ADCY2: variants seen among roughly 807,000 people sequenced by gnomAD.
The protein encoded by ADCY2 is adenylate cyclase type 2.
ADCY2 carries 31 observed loss-of-function variants against 125.2 expected under a neutral mutation model. That is an observed-to-expected ratio of 0.25 (90% CI 0.19 to 0.33). The LOEUF is 0.33. Among genes scored for constraint, ADCY2 ranks in the 10% least tolerant of loss-of-function variants. ADCY2 has a pLI of 1.00. For missense variants in ADCY2, 904 were observed against 1,418.2 expected, an observed-to-expected ratio of 0.64 and a Z score of 5.82; for synonymous variants, 512 against 548.4, an observed-to-expected ratio of 0.93 and a Z score of 0.93.
chr5:7,784,209 G>C (rs978236496), intron 18 of ADCY2, among the ~76,000 whole-genome samples, 156 bp from the exon 19 acceptor site: 3 of 152,198 alleles, frequency 2.0e-5, no homozygotes, highest in Non-Finnish European at 2.9e-5. Context: ...TTTAATGCAA[G>C]CTGGGTTTGG....
chr5:7,598,595 C>T (rs1233735871), intron 3 of ADCY2, among the ~76,000 whole-genome samples: 2 of 152,110 alleles, frequency 1.3e-5, no homozygotes, highest in Non-Finnish European at 2.9e-5. Flanking sequence ...GAGGCCCTGA[C>T]CTGAAGGCAG....
chr5:7,756,141 A>G (rs1229498808), intron 15 of ADCY2, among the ~76,000 whole-genome samples: 3 of 152,334 alleles, frequency 2.0e-5, no homozygotes, highest in African/African-American at 7.2e-5. Context: ...ATATCAGATA[A>G]CGTATGCAAA....
In ADCY2 at chr5:7,757,644, C is replaced by T. The variant is rs1743053009; in HGVS notation, c.2094+58C>T. Reference sequence around the variant, plus strand: ...GTAAGCCCCAGAGCATGGCCGTGTTCAACATGGTAAGCCCCAGACCACAGC... The same window carrying T: ...GTAAGCCCCAGAGCATGGCCGTGTTTAACATGGTAAGCCCCAGACCACAGC... On this transcript the variant is annotated intron_variant, in intron 16 of 24. Coordinates refer to ENST00000338316, the MANE Select transcript of ADCY2 (RefSeq NM_020546.3). 4 of 1,560,882 alleles carry T rather than the reference C, an allele frequency of 2.6e-6. No individual in the cohort carries two copies. In the South Asian group the frequency reaches 3.5e-5, roughly 14 times the overall value.
At chr5:7,406,168 C>T (rs557725544) in intron 1 of ADCY2, among the ~76,000 whole-genome samples, 44 of 152,196 alleles carry the variant, frequency 2.9e-4, no homozygotes, top group African/African-American at 1.0e-3. Flanking sequence ...CCAATTTATT[C>T]CCTTTTGAAG....
intron 2 of ADCY2, among the ~76,000 whole-genome samples, chr5:7,514,717 T>C (rs1218740756): frequency 2.0e-5 from 3 of 152,084 alleles, no homozygotes; most frequent in Non-Finnish European, 4.4e-5. Context: ...AGAGGGAAAT[T>C]TGGACAGAGA....
At chr5:7,602,563 C>T (rs75596218) in intron 3 of ADCY2, among the ~76,000 whole-genome samples, 2,238 of 152,220 alleles carry the variant, frequency 0.015, 50 homozygotes, top group African/African-American at 0.051. Context: ...CTCCATTCAC[C>T]CTTAAATTCT....
At chr5:7,573,602 T>C (rs921868032) in intron 3 of ADCY2, among the ~76,000 whole-genome samples, 12 of 145,644 alleles carry the variant, frequency 8.2e-5, no homozygotes, top group South Asian at 2.1e-4. Context: ...TCTTTTTTTT[T>C]TTTTTTTTTT....
At chr5:7,499,656 T>TAG (rs2126500946) in intron 2 of ADCY2, among the ~76,000 whole-genome samples, 1 of 74,844 alleles carries the variant, frequency 1.3e-5, no homozygotes, top group South Asian at 4.8e-4. Flanking sequence ...TGGATATATA[T>TAG]ATATATATAT....
At chr5:7,824,641 C>T (rs1745409613) in intron 24 of ADCY2, among the ~76,000 whole-genome samples, 1 of 152,244 alleles carries the variant, frequency 6.6e-6, no homozygotes, top group Admixed American at 6.5e-5. Context: ...ACATGGACAT[C>T]TGGCACCTGT....
chr5:7,412,221 G>T (rs1197376333), intron 1 of ADCY2, among the ~76,000 whole-genome samples: 2 of 152,134 alleles, frequency 1.3e-5, no homozygotes, highest in Non-Finnish European at 2.9e-5. Context: ...TTTTTGCATG[G>T]TTTTTCAGTC....
At chr5:7,688,096 C>T (rs1157397163) in intron 4 of ADCY2, among the ~76,000 whole-genome samples, 19 of 152,158 alleles carry the variant, frequency 1.2e-4, no homozygotes, top group Non-Finnish European at 2.1e-4. Flanking sequence ...TTATAGTCTA[C>T]CTGTTAATAT....
intron 3 of ADCY2, among the ~76,000 whole-genome samples, chr5:7,541,496 C>T (rs1047588300): frequency 5.9e-5 from 9 of 152,212 alleles, no homozygotes; most frequent in African/African-American, 1.4e-4. Flanking sequence ...AGATCACACA[C>T]GAGCTTCCCA....
intron 19 of ADCY2, among the ~76,000 whole-genome samples, chr5:7,787,910 A>G (rs1744131263): frequency 6.6e-6 from 1 of 152,118 alleles, no homozygotes; most frequent in South Asian, 2.1e-4. Flanking sequence ...TGCTGCCTTA[A>G]CTGCTCCCTT....
chr5:7,607,396 T>C (rs531619565), intron 3 of ADCY2, among the ~76,000 whole-genome samples: 1 of 152,354 alleles, frequency 6.6e-6, no homozygotes, highest in East Asian at 1.9e-4. Flanking sequence ...TCTCTGTTGG[T>C]AGTGCACAAC....
Position 7,802,184 on chromosome 5 carries a change from C to T in ADCY2, c.2629-34C>T, listed in dbSNP as rs140644451. On this transcript the variant is annotated intron_variant, in intron 20 of 24. Coordinates refer to ENST00000338316, the MANE Select transcript of ADCY2 (RefSeq NM_020546.3). The surrounding 1 kb of genome is among the most constrained non-coding windows in gnomAD (Gnocchi z 4.6). ...AGTGTTTCTGTTTAAAGGTCAGTCT[C>T]CTAGTGATCAGCTCTTGCTTTTCTC... The T allele has an allele frequency of 8.3e-3, 13,349 of 1,609,620 alleles. 83 individuals carry two copies. The highest frequency in any genetic ancestry group is 0.011 in the Middle Eastern group (53 of 4,886).
rs548430313 is a variant in ADCY2, at chr5:7,798,891, G to T, written c.2629-3327G>T. 2.0e-5 allele frequency: 3 copies of T among 152,206 alleles called. No individual in the cohort carries two copies. The South Asian group carries it at 6.2e-4, about 32-fold the overall frequency. The allele number at this position is 152,206 out of a possible 1,614,324, so 9.4% of individuals were successfully genotyped here. A position where few individuals can be genotyped will look rare whatever the true frequency, so the allele number is the denominator to read the frequency against. ...CAAGTTTTGACTATTTCTTGGACTG[G>T]GGCCTCTAATTATGGATGAGAGGAC... On this transcript the variant is annotated intron_variant, in intron 20 of 24. Coordinates refer to ENST00000338316, the MANE Select transcript of ADCY2 (RefSeq NM_020546.3).
At chr5:7,614,221 T>A (rs1737674056) in intron 3 of ADCY2, among the ~76,000 whole-genome samples, 1 of 151,988 alleles carries the variant, frequency 6.6e-6, no homozygotes, top group African/African-American at 2.4e-5. Context: ...TGAAAGGGGG[T>A]TATGTTGAAA....
chr5:7,423,440 G>A (rs371304031), intron 2 of ADCY2, among the ~76,000 whole-genome samples: 21 of 152,310 alleles, frequency 1.4e-4, no homozygotes, highest in African/African-American at 4.6e-4. Flanking sequence ...TTGAATCATG[G>A]TGGATCTTTG....
At chr5:7,821,168 C>T (rs1252851920) in intron 24 of ADCY2, among the ~76,000 whole-genome samples, 1 of 152,062 alleles carries the variant, frequency 6.6e-6, no homozygotes, top group African/African-American at 2.4e-5. Context: ...GCTCTGGAAT[C>T]CACCCAAGAG....
Sources: gnomAD v4.1 joint callset for allele counts (sites outside exome capture counted in the v4.1 genomes callset) on GRCh38, gnomAD v4.1.1 for gene constraint, Gnocchi (gnomAD v3.1) non-coding constraint, MANE v1.5 for transcripts, NCBI Gene and HGNC (gene_info 2026-07-23, HGNC 2026-07-21) for gene names.